Variants in SLC38A1 observed in about 807,000 individuals in gnomAD.
SLC38A1 encodes solute carrier family 38 member 1.
A neutral mutation model predicts 60.3 loss-of-function variants in SLC38A1; 18 were observed. The ratio of observed to expected loss-of-function variants is 0.30; its 90% CI spans 0.21 to 0.44. The LOEUF is 0.44. Ranked by LOEUF, SLC38A1 falls within the 20% of genes least tolerant of loss-of-function variation. The pLI, the probability that SLC38A1 is intolerant of heterozygous loss-of-function variation, is 1.00. For missense variants in SLC38A1, 448 were observed against 587.2 expected (o/e 0.76, Z 2.45); for synonymous variants, 196 against 212.1 (o/e 0.92, Z 0.66).
At chr12:46,191,686 T>G (rs1324993707) in intron 16 of SLC38A1, among the ~76,000 whole-genome samples, 1 of 152,192 alleles carries the variant, frequency 6.6e-6, no homozygotes, top group Non-Finnish European at 1.5e-5. Context: ...TTTTATTCTC[T>G]TCAGAGTAAA....
intron 3 of SLC38A1, among the ~76,000 whole-genome samples, chr12:46,237,156 T>C (rs1941287963): frequency 6.6e-6 from 1 of 152,330 alleles, no homozygotes; most frequent in South Asian, 2.1e-4. Context: ...TCAATGTTTG[T>C]TTTCAACATT....
intron 6 of SLC38A1, 54 bp downstream of exon 6, chr12:46,209,000 C>T: frequency 8.3e-7 from 1 of 1,205,916 alleles, no homozygotes; most frequent in Non-Finnish European, 1.2e-6. Flanking sequence ...CACAATGCTA[C>T]CATAAAAATA....
intron 7 of SLC38A1, 67 bp from the exon 8 acceptor site, chr12:46,207,303 G>T (rs1000125403): frequency 5.4e-5 from 75 of 1,389,836 alleles, no homozygotes; most frequent in Non-Finnish European, 7.5e-5. Flanking sequence ...TACATAAAAA[G>T]TTATCAGCCC....
At position 46,268,976 on chromosome 12, in the gene SLC38A1, C is replaced by A; in HGVS notation, c.-659G>T. ...ATGGTTTAACGCGGACAGGCCATTC[C>A]TCCCCGTCCCGCGCGCGGTCTCCTC... On this transcript the variant is annotated 5_prime_UTR_variant, in exon 1 of 17. In the 5' UTR this introduces an upstream ATG that the reference lacks. Transcript: ENST00000398637. This position sits in a 1 kb window ranked among gnomAD's most constrained non-coding sequence, Gnocchi z 4.4. The A allele has an allele frequency of 2.5e-6, 1 of 407,290 alleles. No homozygotes were observed. The allele number at this position is 407,290 out of a possible 1,614,324, so 25.2% of individuals were successfully genotyped here. A position where few individuals can be genotyped will look rare whatever the true frequency, so the allele number is the denominator to read the frequency against.
chr12:46,201,019 G>A (rs1939632734), intron 13 of SLC38A1, 79 bp downstream of exon 13: 1 of 1,067,324 alleles, frequency 9.4e-7, no homozygotes, highest in Admixed American at 2.3e-5. Context: ...TGCCTTTCAT[G>A]TTAAAAGTTA....
At chr12:46,194,359 C>T (rs1415343221) in intron 16 of SLC38A1, among the ~76,000 whole-genome samples, 1 of 152,126 alleles carries the variant, frequency 6.6e-6, no homozygotes, top group South Asian at 2.1e-4. Flanking sequence ...TTCTGGCTGC[C>T]CTTAACATTG....
rs1004937995 is a variant in SLC38A1 at position 46,183,077 on chromosome 12, AT to A, written c.*5892del. 13 of 152,630 alleles carry A rather than the reference AT, an allele frequency of 8.5e-5. No individual in the cohort carries two copies. The highest frequency in any genetic ancestry group is 5.9e-4 in the Admixed American group (9 of 15,284). 9.5% of individuals were successfully genotyped at this position (152,630 alleles called of 1,614,324 possible). On this transcript the variant is annotated 3_prime_UTR_variant, in exon 17 of 17. Coordinates refer to ENST00000398637, the MANE Select transcript of SLC38A1 (RefSeq NM_030674.4). ...ACATTTTTAAATACTTTTAGTTCAC[AT>A]TTTTTAATGTTTAAAAACTATGTTA...
At chr12:46,247,180 G>C (rs1421342155) in intron 1 of SLC38A1, among the ~76,000 whole-genome samples, 1 of 152,228 alleles carries the variant, frequency 6.6e-6, no homozygotes, top group Non-Finnish European at 1.5e-5. Context: ...GACGGAGAAT[G>C]AGTTTGACAA....
At chr12:46,231,714 T>G (rs1941082635) in intron 3 of SLC38A1, among the ~76,000 whole-genome samples, 1 of 152,182 alleles carries the variant, frequency 6.6e-6, no homozygotes, top group African/African-American at 2.4e-5. Context: ...GCAGTGCAGT[T>G]GTACAATCTC....
intron 6 of SLC38A1, among the ~76,000 whole-genome samples, chr12:46,208,267 T>A (rs1175865599): frequency 2.0e-5 from 3 of 152,220 alleles, no homozygotes; most frequent in Non-Finnish European, 4.4e-5. Flanking sequence ...CTCATCTCAA[T>A]AAATACTGAA....
At chr12:46,236,593 C>T (rs1343475749) in intron 3 of SLC38A1, among the ~76,000 whole-genome samples, 1 of 152,188 alleles carries the variant, frequency 6.6e-6, no homozygotes, top group East Asian at 1.9e-4. Flanking sequence ...TCAGTCAACA[C>T]ATAATTTGTA....
intron 5 of SLC38A1, among the ~76,000 whole-genome samples, chr12:46,219,958 C>A (rs1940589203): frequency 6.6e-6 from 1 of 152,246 alleles, no homozygotes; most frequent in Admixed American, 6.5e-5. Flanking sequence ...CGCGCACACA[C>A]ACACGCACAC....
intron 3 of SLC38A1, among the ~76,000 whole-genome samples, chr12:46,234,542 G>A (rs1294930001): frequency 1.3e-5 from 2 of 151,202 alleles, no homozygotes; most frequent in East Asian, 3.9e-4. Flanking sequence ...CCGCCTCCTG[G>A]GTTCACGCCA....
intron 7 of SLC38A1, 119 bp from the exon 8 acceptor site, chr12:46,207,355 G>A: frequency 9.6e-7 from 1 of 1,043,866 alleles, no homozygotes. Context: ...GGCAACTTCA[G>A]CTACTCTAGC....
intron 1 of SLC38A1, among the ~76,000 whole-genome samples, chr12:46,262,378 A>T (rs1269460682): frequency 4.4e-5 from 6 of 136,434 alleles, no homozygotes; most frequent in African/African-American, 1.5e-4. Flanking sequence ...TATTACATTT[A>T]AAAAAAAAAC....
intron 13 of SLC38A1, 39 bp downstream of exon 13, chr12:46,201,059 A>T: frequency 7.3e-7 from 1 of 1,378,098 alleles, no homozygotes; most frequent in Non-Finnish European, 1.0e-6. Flanking sequence ...TAATTTGTTT[A>T]CAAATATTTA....
At chr12:46,262,770 A>T (rs1942238532) in intron 1 of SLC38A1, among the ~76,000 whole-genome samples, 2 of 152,236 alleles carry the variant, frequency 1.3e-5, no homozygotes, top group Admixed American at 1.3e-4. Context: ...TATAAAAAGA[A>T]ATCTTAAAAA....
At position 46,189,014 on chromosome 12, in the gene SLC38A1, T is replaced by C; in HGVS notation, c.1420A>G (p.Ile474Val). 1 of 1,613,724 alleles carries C rather than the reference T, an allele frequency of 6.2e-7. No homozygotes were observed. The highest frequency in any genetic ancestry group is 1.1e-5 in the South Asian group (1 of 91,054). The change falls in exon 17 of 17, where the codon ATC becomes GTC. Residue 474 changes from isoleucine to valine, a missense_variant. Ile to Val is a conservative substitution (Grantham distance 29). Transcript: ENST00000398637. ...LFSLVSIPLV[I>V]YDWACSSSSD... is the part of the protein sequence containing the mutation. ...CTCGATGAGCAGGCCCAGTCATAGA[T>C]GACCAAGGGAATGCTGACCAAGGAG...
rs1939007070 is a variant in SLC38A1 at position 46,188,287 on chromosome 12, CTT to C, written c.*681_*682del. On this transcript the variant is annotated 3_prime_UTR_variant, in exon 17 of 17. Coordinates refer to ENST00000398637, the MANE Select transcript of SLC38A1 (RefSeq NM_030674.4). ...CCAAGGTAAGAATCATCCCCAACCA[CTT>C]TTCAGCTGAGAACACTTGCCAGAGA... is the stretch of plus-strand genomic sequence containing the variant. 6.6e-6 allele frequency: 1 copy of C among 152,232 alleles called. No homozygotes were observed. Among genetic ancestry groups the C allele is most frequent in the Non-Finnish European group, 1.5e-5 (1 of 68,026 alleles). The allele number at this position is 152,232 out of a possible 1,614,324, so 9.4% of individuals were successfully genotyped here.
Sources: allele counts gnomAD v4.1 joint callset (sites outside exome capture counted in the v4.1 genomes callset), GRCh38; gene constraint gnomAD v4.1.1; non-coding constraint Gnocchi (gnomAD v3.1); transcripts MANE v1.5; gene names NCBI Gene and HGNC (gene_info 2026-07-23, HGNC 2026-07-21).